NFIB: variants seen among roughly 807,000 people sequenced by gnomAD.
The protein encoded by NFIB is nuclear factor I B, also known as nuclear factor 1 B-type.
A neutral mutation model predicts 61.5 loss-of-function variants in NFIB; 11 were observed. The observed-to-expected ratio is 0.18, with a 90% CI of 0.11 to 0.30. NFIB has a LOEUF of 0.30. Ranked by LOEUF, NFIB falls within the 10% of genes least tolerant of loss-of-function variation. NFIB has a pLI of 1.00. For missense variants in NFIB, 471 were observed against 608.9 expected, an observed-to-expected ratio of 0.77 and a Z score of 2.38; for synonymous variants, 260 against 216.5, an observed-to-expected ratio of 1.20 and a Z score of -1.76.
chr9:14,186,034 A>G (rs2131504014), intron 2 of NFIB, among the ~76,000 whole-genome samples: 1 of 152,292 alleles, frequency 6.6e-6, no homozygotes, highest in East Asian at 1.9e-4. Flanking sequence ...TCTTTTAGGA[A>G]CTCTTTTTAT....
At chr9:14,411,790 G>T in the NFIB span, among the ~76,000 whole-genome samples, 5 of 152,146 alleles carry the variant, frequency 3.3e-5, no homozygotes, top group African/African-American at 1.2e-4. Flanking sequence ...AGGCTGGTCT[G>T]TTACCAATAG....
intron 1 of NFIB, among the ~76,000 whole-genome samples, chr9:14,339,004 A>T (rs2132869235): frequency 6.6e-6 from 1 of 152,308 alleles, no homozygotes; most frequent in Non-Finnish European, 1.5e-5. Context: ...AGATGGAAAC[A>T]TTCTGCTCAT....
intron 4 of NFIB, among the ~76,000 whole-genome samples, chr9:14,152,894 G>C (rs1283861916): frequency 6.6e-6 from 1 of 151,940 alleles, no homozygotes; most frequent in Non-Finnish European, 1.5e-5. Context: ...GAGATGAAGA[G>C]AGATTGGTTA....
chr9:14,344,532 T>C (rs1460726820), intron 1 of NFIB, among the ~76,000 whole-genome samples: 1 of 152,206 alleles, frequency 6.6e-6, no homozygotes, highest in Non-Finnish European at 1.5e-5. Flanking sequence ...TTATGGATTT[T>C]TTCTTAAAGG....
the NFIB span, among the ~76,000 whole-genome samples, chr9:14,431,981 C>T: frequency 6.6e-6 from 1 of 152,280 alleles, no homozygotes; most frequent in Non-Finnish European, 1.5e-5. Flanking sequence ...GTGTGCCTGA[C>T]TCATGCAGTG....
chr9:14,276,805 T>C (rs1270763544), intron 2 of NFIB, among the ~76,000 whole-genome samples: 6 of 152,258 alleles, frequency 3.9e-5, no homozygotes, highest in African/African-American at 1.2e-4. Context: ...GTCTTATTAA[T>C]ATAGCTTCAT....
At chr9:14,223,168 G>A (rs1318355153) in intron 2 of NFIB, among the ~76,000 whole-genome samples, 2 of 152,186 alleles carry the variant, frequency 1.3e-5, no homozygotes, top group Non-Finnish European at 2.9e-5. Flanking sequence ...TGCAGGCCAT[G>A]GGTTGAACAA....
intron 4 of NFIB, among the ~76,000 whole-genome samples, chr9:14,154,209 A>G (rs971078687): frequency 6.6e-6 from 1 of 152,118 alleles, no homozygotes; most frequent in Non-Finnish European, 1.5e-5. Flanking sequence ...TTAGCATAAT[A>G]TTACCTATCA....
chr9:14,214,127 C>T (rs2050602540), intron 2 of NFIB, among the ~76,000 whole-genome samples: 1 of 152,160 alleles, frequency 6.6e-6, no homozygotes, highest in South Asian at 2.1e-4. Flanking sequence ...CATTAATTCC[C>T]CTTCCTGAAG....
At chr9:14,416,080 A>G in the NFIB span, among the ~76,000 whole-genome samples, 3 of 152,218 alleles carry the variant, frequency 2.0e-5, no homozygotes, top group Admixed American at 2.0e-4. Context: ...CTAAGAAAAA[A>G]AGTCTAAACA....
chr9:14,168,296 T>C (rs555250780), intron 3 of NFIB, among the ~76,000 whole-genome samples: 1 of 152,240 alleles, frequency 6.6e-6, no homozygotes, highest in African/African-American at 2.4e-5. Context: ...AAGAATGCAA[T>C]ACTCACCCAA....
the NFIB span, among the ~76,000 whole-genome samples, chr9:14,491,725 T>C: frequency 6.6e-6 from 1 of 152,194 alleles, no homozygotes; most frequent in African/African-American, 2.4e-5. Flanking sequence ...GAAGTTTAAT[T>C]ATAAATTCAA....
the NFIB span, among the ~76,000 whole-genome samples, chr9:14,463,059 T>G: frequency 6.6e-6 from 1 of 151,974 alleles, no homozygotes; most frequent in Non-Finnish European, 1.5e-5. Context: ...TTCAATTTAA[T>G]AAAATTTAAT....
chr9:14,272,560 C>T (rs1022279058), intron 2 of NFIB, among the ~76,000 whole-genome samples: 8 of 151,890 alleles, frequency 5.3e-5, no homozygotes, highest in African/African-American at 9.7e-5. Flanking sequence ...AGCATTTGTG[C>T]TGCCAGTTTC....
intron 1 of NFIB, among the ~76,000 whole-genome samples, chr9:14,332,330 CAAAAA>C (rs5896627): frequency 2.8e-5 from 3 of 108,094 alleles, no homozygotes; most frequent in Non-Finnish European, 3.5e-5. Context: ...GAGACTCCGT[CAAAAA>C]AAAAAAAAAA....
At chr9:14,333,758 T>C (rs1429530372) in intron 1 of NFIB, among the ~76,000 whole-genome samples, 1 of 152,194 alleles carries the variant, frequency 6.6e-6, no homozygotes, top group Admixed American at 6.5e-5. Context: ...TCTAGGAAAG[T>C]ATACATCACG....
chr9:14,216,530 CTCTCTCTCTCTCCCTCTGTGTGTGTG>C (rs1259127513), intron 2 of NFIB, among the ~76,000 whole-genome samples: 11,221 of 53,934 alleles, frequency 0.21, 1,508 homozygotes, highest in African/African-American at 0.45. Flanking sequence ...CTCTCTCTCT[CTCTCTCTCTCTCCCTCTGTGTGTGTG>C]TGTGTGTGTG....
the NFIB span, among the ~76,000 whole-genome samples, chr9:14,419,122 A>G: frequency 6.6e-6 from 1 of 151,724 alleles, no homozygotes; most frequent in Non-Finnish European, 1.5e-5. Context: ...GGGCAAAAAA[A>G]TAGAGGTTTG....
At chr9:14,388,554 A>T (rs936950629) in intron 1 of NFIB, among the ~76,000 whole-genome samples, 1 of 152,050 alleles carries the variant, frequency 6.6e-6, no homozygotes, top group Non-Finnish European at 1.5e-5. Context: ...AAAATGCAAA[A>T]GAATACATGT....
Sources: allele counts gnomAD v4.1 joint callset (sites outside exome capture counted in the v4.1 genomes callset), GRCh38; gene constraint gnomAD v4.1.1; transcripts MANE v1.5; gene names NCBI Gene and HGNC (gene_info 2026-07-23, HGNC 2026-07-21).